Variants in ASIC2 observed in about 807,000 individuals in gnomAD.
The protein encoded by ASIC2 is acid-sensing ion channel 2.
In ASIC2, 25 loss-of-function variants were observed where a neutral mutation model predicts 57.3. The observed-to-expected ratio is 0.44, with a 90% CI of 0.32 to 0.61. ASIC2 has a LOEUF of 0.61. ASIC2 is among the 20% of genes least tolerant of loss of function. The pLI, the probability that ASIC2 is intolerant of heterozygous loss-of-function variation, is 0.06. For synonymous variants in ASIC2, 319 were observed against 307.5 expected (o/e 1.04, Z -0.39); for missense variants, 641 against 738.1 (o/e 0.87, Z 1.52).
At chr17:34,072,401 A>C (rs1169379772) in intron 1 of ASIC2, 2 of 152,178 alleles carry the variant, frequency 1.3e-5, no homozygotes, top group African/African-American at 2.4e-5. Flanking sequence ...GTATTTCCCC[A>C]TATTTTATAG....
rs569092125 is a variant in ASIC2, at chr17:33,268,815, C to T, written c.708+22593G>A. Among the ~76,000 whole-genome samples, 12 of 152,224 alleles carry T rather than the reference C, an allele frequency of 7.9e-5. No individual in the cohort carries two copies. The Middle Eastern group carries it at 0.01, about 129-fold the overall frequency. On this transcript the variant is annotated intron_variant, in intron 1 of 9. Transcript: ENST00000225823. ...AAACTGAAGCTCAGAAAGTTTATGC[C>T]GCTTCACCTAGTTCACATCTACTAA... is the stretch of plus-strand genomic sequence containing the variant.
At chr17:33,415,966 C>T (rs564683080) in intron 1 of ASIC2, among the ~76,000 whole-genome samples, 4 of 152,280 alleles carry the variant, frequency 2.6e-5, no homozygotes, top group South Asian at 2.1e-4. Context: ...ATTTCCATGG[C>T]GGTGTGAGGC....
chr17:33,087,028 C>T (rs764986264), intron 3 of ASIC2, among the ~76,000 whole-genome samples: 4 of 152,198 alleles, frequency 2.6e-5, no homozygotes, highest in Non-Finnish European at 5.9e-5. Context: ...ACCCTCTTCC[C>T]TACTGCAAAA....
At chr17:33,717,901 A>G (rs1420920089) in intron 1 of ASIC2, among the ~76,000 whole-genome samples, 4 of 152,346 alleles carry the variant, frequency 2.6e-5, no homozygotes, top group Non-Finnish European at 4.4e-5. Context: ...TTATTATTAC[A>G]TTATCATTTT....
intron 1 of ASIC2, among the ~76,000 whole-genome samples, chr17:33,483,949 C>T (rs1913495630): frequency 6.6e-6 from 1 of 152,012 alleles, no homozygotes; most frequent in South Asian, 2.1e-4. Flanking sequence ...AAGAGGGAGA[C>T]AGGAGGTCAG....
intron 1 of ASIC2, among the ~76,000 whole-genome samples, chr17:33,765,116 T>C (rs1424589851): frequency 2.0e-5 from 3 of 152,182 alleles, no homozygotes; most frequent in Admixed American, 6.5e-5. Context: ...GTTTTTTGTT[T>C]TTTTTTTGAG....
chr17:33,904,163 CAAA>C (rs769795292), intron 1 of ASIC2, among the ~76,000 whole-genome samples: 2 of 55,856 alleles, frequency 3.6e-5, no homozygotes, highest in Admixed American at 2.7e-4. Context: ...AACTCCGTCT[CAAA>C]AAAAAAAAAA....
chr17:34,037,557 C>A (rs1238599919), intron 1 of ASIC2: 4 of 1,402,858 alleles, frequency 2.9e-6, no homozygotes, highest in African/African-American at 3.0e-5. Flanking sequence ...TGTTCCAAAC[C>A]CGCTGCTGAA....
rs567855983 is a variant in ASIC2, at chr17:33,169,663, C to A, written c.709-57596G>T. ...CCAGAGGTACATTGAAGATCCCTAG[C>A]GTCTCTTGCAGTGTTTGAGCTCATG... On this transcript the variant is annotated intron_variant, in intron 1 of 9. Transcript: ENST00000225823. Among the ~76,000 whole-genome samples the A allele has an allele frequency of 3.9e-5, 6 of 152,294 alleles. No homozygotes were observed. In the South Asian group the frequency reaches 1.2e-3, roughly 32 times the overall value.
chr17:33,974,605 T>TATCTATCCATCC lies in ASIC2; in HGVS notation c.555+181372_555+181373insGGATGGATAGAT, dbSNP rs112676269. On this transcript the variant is annotated intron_variant, in intron 1 of 9. Transcript: ENST00000359872. ...TGCTGTTAGGTGATAGGAACCTATC[T>TATCTATCCATCC]ATCCATCCATCCATCCATCCATCCA... Among the ~76,000 whole-genome samples, 237 of 145,442 alleles carry TATCTATCCATCC rather than the reference T, an allele frequency of 1.6e-3. 2 individuals carry two copies. The highest frequency in any genetic ancestry group is 3.0e-3 in the South Asian group (13 of 4,274).
At chr17:33,625,290 T>C (rs1905950354) in intron 1 of ASIC2, among the ~76,000 whole-genome samples, 1 of 152,210 alleles carries the variant, frequency 6.6e-6, no homozygotes, top group Non-Finnish European at 1.5e-5. Flanking sequence ...GTCAGCTTCA[T>C]GTTGTAAAGA....
At position 33,851,036 on chromosome 17, in the gene ASIC2, G is replaced by T. The variant is rs192949973; in HGVS notation, c.555+304942C>A. Among the ~76,000 whole-genome samples, 345 of 152,300 alleles carry T rather than the reference G, an allele frequency of 2.3e-3. 3 individuals are homozygous for T. Among genetic ancestry groups the T allele is most frequent in the African/African-American group, 8.0e-3 (331 of 41,568 alleles). ...GGAAGAGTTAAGAGACTTGGTGCTAGTTTTGTTGCTACTTTGAATCTAATT... is the reference window on the plus strand; with the variant it reads ...GGAAGAGTTAAGAGACTTGGTGCTATTTTTGTTGCTACTTTGAATCTAATT... On this transcript the variant is annotated intron_variant, in intron 1 of 9. Coordinates refer to the ASIC2 transcript ENST00000359872.
In ASIC2 at chr17:33,144,354, G is replaced by A. The variant is rs74706204; in HGVS notation, c.709-32287C>T. On this transcript the variant is annotated intron_variant, in intron 1 of 9. Coordinates refer to ENST00000225823, the MANE Select transcript of ASIC2 (RefSeq NM_183377.2). ...AGAGTGGGGGAGAAAGAGAGAGAGC[G>A]GGTGGGATAGGGAAGAGAAGGGGAT... is the stretch of plus-strand genomic sequence containing the variant. Among the ~76,000 whole-genome samples, 449 of 152,054 alleles carry A rather than the reference G, an allele frequency of 3.0e-3. 2 individuals are homozygous for A. Among genetic ancestry groups the A allele is most frequent in the Non-Finnish European group, 5.0e-3 (338 of 67,980 alleles).
chr17:33,159,645 C>G (rs1905107068), intron 1 of ASIC2, among the ~76,000 whole-genome samples: 1 of 152,172 alleles, frequency 6.6e-6, no homozygotes, highest in Non-Finnish European at 1.5e-5. Context: ...AACGAAAGTG[C>G]CTTGAAATTG....
Position 33,379,311 on chromosome 17 carries a change from T to G in ASIC2, c.556-267244A>C, listed in dbSNP as rs1295769846. ...AGGGGGCTGATAATATCTTACACTC[T>G]GGCAGTTGCGAAGTTCAGATAAACT... On this transcript the variant is annotated intron_variant, in intron 1 of 9. Coordinates refer to the ASIC2 transcript ENST00000359872. Among the ~76,000 whole-genome samples the G allele has an allele frequency of 6.6e-5, 10 of 152,338 alleles. No individual in the cohort carries two copies. In the South Asian group the frequency reaches 1.9e-3, roughly 28 times the overall value.
intron 3 of ASIC2, among the ~76,000 whole-genome samples, chr17:33,065,884 C>A (rs911698913): frequency 6.6e-6 from 1 of 152,140 alleles, no homozygotes; most frequent in Non-Finnish European, 1.5e-5. Context: ...GATTTTCAAT[C>A]CACTTTGACG....
chr17:33,076,715 A>G (rs1425804851), intron 3 of ASIC2, among the ~76,000 whole-genome samples: 1 of 152,172 alleles, frequency 6.6e-6, no homozygotes, highest in Non-Finnish European at 1.5e-5. Flanking sequence ...ACCTACCAAT[A>G]TGTCTTAGAA....
At chr17:33,577,652 A>G (rs1916671332) in intron 1 of ASIC2, among the ~76,000 whole-genome samples, 1 of 152,182 alleles carries the variant, frequency 6.6e-6, no homozygotes, top group African/African-American at 2.4e-5. Context: ...ACAACAGTGG[A>G]AAAGCAGTTC....
chr17:34,116,065 GAGAGTGTTGAGAGTAT>G (rs1324503380), intron 1 of ASIC2, among the ~76,000 whole-genome samples: 1 of 152,184 alleles, frequency 6.6e-6, no homozygotes, highest in East Asian at 1.9e-4. Flanking sequence ...CTTGGTGTGA[GAGAGTGTTGAGAGTAT>G]AGACAACTCT....
Sources: allele counts gnomAD v4.1 joint callset (sites outside exome capture counted in the v4.1 genomes callset), GRCh38; gene constraint gnomAD v4.1.1; transcripts MANE v1.5; gene names NCBI Gene and HGNC (gene_info 2026-07-23, HGNC 2026-07-21).